PDE2A: variants seen among roughly 807,000 people sequenced by gnomAD.
PDE2A encodes cGMP-dependent 3',5'-cyclic phosphodiesterase.
Under a neutral mutation model 133.6 loss-of-function variants are expected in PDE2A, and 53 were observed. The ratio of observed to expected loss-of-function variants is 0.40; its 90% CI spans 0.32 to 0.50. The LOEUF is 0.50. Among genes scored for constraint, PDE2A ranks in the 20% least tolerant of loss-of-function variants. The pLI, the probability that PDE2A is intolerant of heterozygous loss-of-function variation, is 0.73. For missense variants in PDE2A, 796 were observed against 1,232.4 expected (o/e 0.65, Z 5.30); for synonymous variants, 491 against 490.2 (o/e 1.00, Z -0.02).
intron 18 of PDE2A, 33 bp from the exon 19 acceptor site, chr11:72,584,346 T>C: frequency 7.0e-7 from 1 of 1,425,096 alleles, no homozygotes; most frequent in Middle Eastern, 1.8e-4. Flanking sequence ...GAACCACCGG[T>C]GGAGGGAGGG....
chr11:72,584,428 G>A, intron 18 of PDE2A, 115 bp from the exon 19 acceptor site: 1 of 1,303,472 alleles, frequency 7.7e-7, no homozygotes, highest in Non-Finnish European at 1.1e-6. Flanking sequence ...TCCCAGGCAT[G>A]GAACCCGACT....
At chr11:72,582,751 C>T (rs368800546) in intron 20 of PDE2A, among the ~76,000 whole-genome samples, 185 bp from the exon 21 acceptor site, 10 of 152,270 alleles carry the variant, frequency 6.6e-5, no homozygotes, top group South Asian at 6.2e-4. Context: ...GCCCACCCCG[C>T]GCGCCTCCCT....
intron 1 of PDE2A, among the ~76,000 whole-genome samples, chr11:72,659,895 A>G (rs1376985099): frequency 6.6e-6 from 1 of 152,162 alleles, no homozygotes; most frequent in Non-Finnish European, 1.5e-5. Flanking sequence ...TCAGGAGACC[A>G]AGGCCTAAGC....
chr11:72,598,231 G>C (rs1439065485), intron 4 of PDE2A, among the ~76,000 whole-genome samples: 2 of 152,164 alleles, frequency 1.3e-5, no homozygotes, highest in Admixed American at 1.3e-4. Context: ...ACTTGCCCAG[G>C]GTTACACAGT....
intron 1 of PDE2A, among the ~76,000 whole-genome samples, chr11:72,668,004 T>C (rs1855287992): frequency 6.6e-6 from 1 of 152,220 alleles, no homozygotes; most frequent in Non-Finnish European, 1.5e-5. Context: ...AGTCTGACTT[T>C]GGTTTCTCCA....
intron 1 of PDE2A, among the ~76,000 whole-genome samples, chr11:72,645,152 T>A (rs928695849): frequency 6.6e-6 from 1 of 151,788 alleles, no homozygotes. Flanking sequence ...GCTCAAAGAG[T>A]CTTTCTGTGT....
chr11:72,639,159 A>G (rs1251331711), intron 2 of PDE2A, among the ~76,000 whole-genome samples: 2 of 152,170 alleles, frequency 1.3e-5, no homozygotes, highest in East Asian at 3.8e-4. Context: ...TCTCTCTGGA[A>G]GGTATGACCT....
chr11:72,588,692 G>A, intron 13 of PDE2A, 92 bp downstream of exon 13: 1 of 1,296,686 alleles, frequency 7.7e-7, no homozygotes, highest in South Asian at 1.4e-5. Context: ...AGTAGCCCCT[G>A]CCCAGTACCC....
intron 2 of PDE2A, among the ~76,000 whole-genome samples, chr11:72,641,605 C>A (rs1170524409): frequency 6.6e-6 from 1 of 152,160 alleles, no homozygotes; most frequent in African/African-American, 2.4e-5. Flanking sequence ...TGGAGAGGAA[C>A]AAGAGGAGGG....
In PDE2A at chr11:72,590,758, C is replaced by T. The variant is rs1856210316; in HGVS notation, c.550-178G>A. On this transcript the variant is annotated intron_variant, in intron 7 of 30. Transcript: ENST00000334456. The surrounding 1 kb of genome is among the most constrained non-coding windows in gnomAD (Gnocchi z 4.8). ...TCCTGAGGGCTCCCCCGGGGGCTCC[C>T]ACAGCCCCTGGAGCGTCCGGCGGTC... 6.6e-6 allele frequency among the ~76,000 whole-genome samples: 1 copy of T among 152,174 alleles called. No homozygotes were observed. Among genetic ancestry groups the T allele is most frequent in the Admixed American group, 6.5e-5 (1 of 15,286 alleles).
intron 1 of PDE2A, among the ~76,000 whole-genome samples, chr11:72,656,046 C>T (rs1854890176): frequency 6.6e-6 from 1 of 152,164 alleles, no homozygotes; most frequent in Admixed American, 6.5e-5. Flanking sequence ...AGGAGGCTCA[C>T]GGCCCGGCAT....
intron 2 of PDE2A, among the ~76,000 whole-genome samples, chr11:72,611,410 C>G (rs958099552): frequency 6.6e-6 from 1 of 152,158 alleles, no homozygotes; most frequent in Non-Finnish European, 1.5e-5. Flanking sequence ...TCAGAAAGAA[C>G]AGTCTGTCCT....
rs140601063 is a variant in PDE2A at position 72,588,822 on chromosome 11, C to T, written c.1032G>A (p.Val344=). ...GCTTGTTGAAGGCGCAGGCCAAGGC[C>T]ACCACCTGGTCAGTGGCCCGGCTGA... ...PVISRATDQV[V]ALACAFNKLE... is the part of the protein sequence containing the mutation. Residue 344 remains valine (V), a synonymous_variant, in exon 13 of 31, where the codon GTG becomes GTA. Transcript: ENST00000334456. The T allele has an allele frequency of 1.3e-5, 21 of 1,610,532 alleles. No individual in the cohort carries two copies. The highest frequency in any genetic ancestry group is 1.6e-5 in the Non-Finnish European group (19 of 1,177,458).
chr11:72,605,192 G>A lies in PDE2A; in HGVS notation c.269C>T (p.Ser90Phe), dbSNP rs753645304. 39 of 1,611,308 alleles carry A rather than the reference G, an allele frequency of 2.4e-5. No individual in the cohort carries two copies. In the South Asian group the frequency reaches 4.3e-4, roughly 18 times the overall value. ...TVYTYLLDGE[S>F]QLVCEDPPHE... is the part of the protein sequence containing the mutation. Reference sequence around the variant, plus strand: ...TGGGGGGTCCTCACACACCAGCTGGGACTCACCATCCAGTAGGTAGGTGTA... The same window carrying A: ...TGGGGGGTCCTCACACACCAGCTGGAACTCACCATCCAGTAGGTAGGTGTA... Residue 90 changes from serine (S) to phenylalanine (F), a missense_variant, in exon 4 of 31, where the codon TCC (serine) becomes TTC (phenylalanine). Physicochemically the swap from Ser to Phe is radical, Grantham distance 155. This residue lies in a region of PDE2A where 417 missense variants were observed against 475.3 expected (regional missense o/e 0.88). Coordinates refer to ENST00000334456, the MANE Select transcript of PDE2A (RefSeq NM_002599.5).
chr11:72,653,117 C>T (rs372310769), intron 1 of PDE2A, among the ~76,000 whole-genome samples: 6 of 152,198 alleles, frequency 3.9e-5, no homozygotes, highest in Non-Finnish European at 5.9e-5. Context: ...CGGTGCAGGG[C>T]GGAGGCCATT....
In PDE2A at chr11:72,590,010, G is replaced by T. The variant is rs1053171545; in HGVS notation, c.757-29C>A. ...AGAGAGGGACAGGCAGGGCGAGGGG[G>T]TGACCGCGGATCCGGGTCACCCCAC... is the stretch of plus-strand genomic sequence containing the variant. On this transcript the variant is annotated intron_variant, in intron 9 of 30. Transcript: ENST00000334456. The surrounding 1 kb of genome is among the most constrained non-coding windows in gnomAD (Gnocchi z 4.8). The T allele has an allele frequency of 1.7e-5, 27 of 1,591,746 alleles. No homozygotes were observed. The highest frequency in any genetic ancestry group is 2.3e-5 in the East Asian group (1 of 44,250).
At chr11:72,592,005 G>A (rs994925208) in intron 6 of PDE2A, among the ~76,000 whole-genome samples, 33 of 152,092 alleles carry the variant, frequency 2.2e-4, no homozygotes, top group African/African-American at 7.0e-4. Flanking sequence ...ACTCCCTCCC[G>A]TTCTCTGCCC....
At position 72,640,519 on chromosome 11, in the gene PDE2A, C is replaced by T. The variant is rs559182189; in HGVS notation, c.144+1735G>A. 2.2e-4 allele frequency among the ~76,000 whole-genome samples: 33 copies of T among 152,232 alleles called. No individual in the cohort carries two copies. In the South Asian group the frequency reaches 6.4e-3, roughly 30 times the overall value. On this transcript the variant is annotated intron_variant, in intron 2 of 30. Transcript: ENST00000334456. ...TGTCCAGAATCGCGGGAGCAGCCAC[C>T]ACACAGACACATGACATTCAAACAC... is the stretch of plus-strand genomic sequence containing the variant.
rs141023898 is a variant in PDE2A, at chr11:72,582,410, G to A, written c.1851+34C>T. Reference sequence around the variant, plus strand: ...CTTAAGCCTCTGGCTACATACCTTCGGCCTGGCCAGTCAAGTGGAGGAGAG... The same window carrying A: ...CTTAAGCCTCTGGCTACATACCTTCAGCCTGGCCAGTCAAGTGGAGGAGAG... On this transcript the variant is annotated intron_variant, in intron 21 of 30. Transcript: ENST00000334456. 3,728 of 1,605,526 alleles carry A rather than the reference G, an allele frequency of 2.3e-3. 81 individuals carry two copies. In the African/African-American group the frequency reaches 0.044, roughly 19 times the overall value.
Sources: gnomAD v4.1 joint callset for allele counts (sites outside exome capture counted in the v4.1 genomes callset) on GRCh38, gnomAD v4.1.1 for gene constraint, gnomAD v4.1.1 regional missense constraint, Gnocchi (gnomAD v3.1) non-coding constraint, MANE v1.5 for transcripts, NCBI Gene and HGNC (gene_info 2026-07-23, HGNC 2026-07-21) for gene names.